GNL1: variants seen among roughly 807,000 people sequenced by gnomAD.
GNL1 encodes the protein guanine nucleotide-binding protein-like 1.
Under a neutral mutation model 75.2 loss-of-function variants are expected in GNL1, and 21 were observed. That is an observed-to-expected ratio of 0.28 (90% CI 0.20 to 0.40). The LOEUF (loss-of-function observed/expected upper bound fraction) is 0.40, where lower values mean the gene tolerates loss of function less well. Among genes scored for constraint, GNL1 ranks in the 10% least tolerant of loss-of-function variants. The pLI is 1.00. For synonymous variants in GNL1, 287 were observed against 303.4 expected, an observed-to-expected ratio of 0.95 and a Z score of 0.56; for missense variants, 579 against 775.0, an observed-to-expected ratio of 0.75 and a Z score of 3.00.
At position 30,543,489 on chromosome 6, in the gene GNL1, GATA is replaced by G. The variant is rs761678922; in HGVS notation, c.*2580_*2582del. ...GTTCTATGAGTGAATGAATCCTTGG[GATA>G]ATTATAGTACTAACCATCTTATTTA... On this transcript the variant is annotated 3_prime_UTR_variant, in exon 12 of 12. Transcript: ENST00000376621. The G allele has an allele frequency of 1.3e-5, 2 of 152,108 alleles. No individual in the cohort carries two copies. 9.4% of individuals were successfully genotyped at this position (152,108 alleles called of 1,614,324 possible).
In GNL1 at chr6:30,543,110, C is replaced by T. The variant is rs2127360596; in HGVS notation, c.*2962G>A. 6.6e-6 allele frequency: 1 copy of T among 152,470 alleles called. No homozygotes were observed. Among genetic ancestry groups the T allele is most frequent in the Middle Eastern group, 3.4e-3 (1 of 294 alleles). 9.4% of individuals were successfully genotyped at this position (152,470 alleles called of 1,614,324 possible). A position where few individuals can be genotyped will look rare whatever the true frequency, so the allele number is the denominator to read the frequency against. The stretch of plus-strand genomic sequence containing the variant: ...GACATCTGTTCCTCTAGGACGCTTC[C>T]CCTGATTCACCAAGACCAGCTTAAC... On this transcript the variant is annotated 3_prime_UTR_variant, in exon 12 of 12. Transcript: ENST00000376621.
chr6:30,546,738 G>GGCA lies in GNL1; in HGVS notation c.1539_1540insTGC (p.Arg513_Leu514insCys), dbSNP rs571491567. On this transcript the variant is annotated inframe_insertion, in exon 11 of 12. Transcript: ENST00000376621. This position sits in a 1 kb window ranked among gnomAD's most constrained non-coding sequence, Gnocchi z 5.1. ...CCTGGGGGATGAAAACACAGGCTGAGGCGGCCGTCCACTGCCAGCCGCAAG... is the reference window on the plus strand; with the variant it reads ...CCTGGGGGATGAAAACACAGGCTGAGGCAGCGGCCGTCCACTGCCAGCCGCAAG... 7 of 1,610,254 alleles carry GGCA rather than the reference G, an allele frequency of 4.3e-6. No individual in the cohort carries two copies. The South Asian group carries it at 7.7e-5, about 18-fold the overall frequency.
In GNL1 at chr6:30,547,862, T is replaced by C; in HGVS notation, c.1100-332A>G. On this transcript the variant is annotated intron_variant, in intron 8 of 11. Transcript: ENST00000376621. The surrounding 1 kb of genome is among the most constrained non-coding windows in gnomAD (Gnocchi z 5.5). Reference sequence around the variant, plus strand: ...TACAGTAAGTACCCAGTACCAGTGATCCACATCTCATAATTACTATGACTT... The same window carrying C: ...TACAGTAAGTACCCAGTACCAGTGACCCACATCTCATAATTACTATGACTT... The C allele has an allele frequency of 5.7e-6, 2 of 351,848 alleles. No homozygotes were observed. The highest frequency in any genetic ancestry group is 8.4e-5 in the South Asian group (2 of 23,756). The allele number at this position is 351,848 out of a possible 1,614,324, so 21.8% of individuals were successfully genotyped here.
In GNL1 at chr6:30,547,825, C is replaced by T. The variant is rs1014642987; in HGVS notation, c.1100-295G>A. On this transcript the variant is annotated intron_variant, in intron 8 of 11. Coordinates refer to ENST00000376621, the MANE Select transcript of GNL1 (RefSeq NM_005275.5). This position sits in a 1 kb window ranked among gnomAD's most constrained non-coding sequence, Gnocchi z 5.5. ...GATAACCAATACAACTTGTGTGGGTCAGTGCCTGCAGTACAGTAAGTACCC... is the reference window on the plus strand; with the variant it reads ...GATAACCAATACAACTTGTGTGGGTTAGTGCCTGCAGTACAGTAAGTACCC... The T allele has an allele frequency of 1.5e-4, 71 of 471,798 alleles. No individual in the cohort carries two copies. The highest frequency in any genetic ancestry group is 1.3e-3 in the African/African-American group (63 of 49,066). The allele number at this position is 471,798 out of a possible 1,614,324, so 29.2% of individuals were successfully genotyped here. A position where few individuals can be genotyped will look rare whatever the true frequency, so the allele number is the denominator to read the frequency against.
At chr6:30,551,614 G>C (rs1275042803) in intron 8 of GNL1, among the ~76,000 whole-genome samples, 3 of 151,968 alleles carry the variant, frequency 2.0e-5, no homozygotes, top group Non-Finnish European at 4.4e-5. Flanking sequence ...GATTCTCCTT[G>C]GCAACAAACT....
rs1233173340 is a variant in GNL1 at position 30,546,071 on chromosome 6, C to T, written c.*1G>A. 1 of 1,591,000 alleles carries T rather than the reference C, an allele frequency of 6.3e-7. No individual in the cohort carries two copies. The highest frequency in any genetic ancestry group is 1.3e-5 in the African/African-American group (1 of 74,496). On this transcript the variant is annotated 3_prime_UTR_variant, in exon 12 of 12. Coordinates refer to ENST00000376621, the MANE Select transcript of GNL1 (RefSeq NM_005275.5). This position sits in a 1 kb window ranked among gnomAD's most constrained non-coding sequence, Gnocchi z 5.1. ...AGGGAAGATGGCGCTGGGCGAGGAACTCAGCACTCATCCTCACCCAGCAGG... is the reference window on the plus strand; with the variant it reads ...AGGGAAGATGGCGCTGGGCGAGGAATTCAGCACTCATCCTCACCCAGCAGG...
In GNL1 at chr6:30,548,972, GACA is replaced by G. The variant is rs1285767435; in HGVS notation, c.1100-1445_1100-1443del. Among the ~76,000 whole-genome samples the G allele has an allele frequency of 2.0e-5, 3 of 149,948 alleles. No individual in the cohort carries two copies. Among genetic ancestry groups the G allele is most frequent in the Non-Finnish European group, 4.4e-5 (3 of 67,654 alleles). Reference sequence around the variant, plus strand: ...ATGAACCCCATACCACCCAATGTGTGACAACATGTTCCATCTGTCCTTGTTTTT... The same window carrying G: ...ATGAACCCCATACCACCCAATGTGTGACATGTTCCATCTGTCCTTGTTTTT... On this transcript the variant is annotated intron_variant, in intron 8 of 11. Coordinates refer to ENST00000376621, the MANE Select transcript of GNL1 (RefSeq NM_005275.5). The surrounding 1 kb of genome is among the most constrained non-coding windows in gnomAD (Gnocchi z 4.2).
chr6:30,555,951 C>T lies in GNL1; in HGVS notation c.73+180G>A, dbSNP rs1334771892. ...GAGGGATTCCCCTCCCCCAACTCTC[C>T]ATCCTTCCCCACCCCTTCCAGATGT... On this transcript the variant is annotated intron_variant, in intron 1 of 11. Transcript: ENST00000376621. This position sits in a 1 kb window ranked among gnomAD's most constrained non-coding sequence, Gnocchi z 4.3. 16 of 857,892 alleles carry T rather than the reference C, an allele frequency of 1.9e-5. No homozygotes were observed. In the Admixed American group the frequency reaches 3.5e-4, roughly 19 times the overall value. The allele number at this position is 857,892 out of a possible 1,614,324, so 53.1% of individuals were successfully genotyped here.
rs1799590300 is a variant in GNL1 at position 30,548,786 on chromosome 6, T to C, written c.1100-1256A>G. 6.6e-6 allele frequency among the ~76,000 whole-genome samples: 1 copy of C among 152,014 alleles called. No individual in the cohort carries two copies. Among genetic ancestry groups the C allele is most frequent in the Non-Finnish European group, 1.5e-5 (1 of 68,014 alleles). On this transcript the variant is annotated intron_variant, in intron 8 of 11. Transcript: ENST00000376621. The surrounding 1 kb of genome is among the most constrained non-coding windows in gnomAD (Gnocchi z 4.2). Reference sequence around the variant, plus strand: ...GGGAGGGAAGGAGGGAGAAAAAAGTTCTCCTTTGACGACCACCACCAGACC... The same window carrying C: ...GGGAGGGAAGGAGGGAGAAAAAAGTCCTCCTTTGACGACCACCACCAGACC...
At position 30,553,541 on chromosome 6, in the gene GNL1, G is replaced by A. The variant is rs773860519; in HGVS notation, c.617C>T (p.Pro206Leu). ...DIRHPVVNFPPALYEYVTGEL... is the reference protein window; with the variant it reads ...DIRHPVVNFPLALYEYVTGEL... ...TCCAGTCACATACTCATAAAGTGCTGGCGGGAAATTCACAACCTAGGACAG... is the reference window on the plus strand; with the variant it reads ...TCCAGTCACATACTCATAAAGTGCTAGCGGGAAATTCACAACCTAGGACAG... Residue 206 changes from proline (P) to leucine (L), a missense_variant, in exon 6 of 12, where the codon CCA becomes CTA. Physicochemically the swap from Pro to Leu is moderately conservative, Grantham distance 98. Transcript: ENST00000376621. 1 of 1,612,362 alleles carries A rather than the reference G, an allele frequency of 6.2e-7. No homozygotes were observed. Among genetic ancestry groups the A allele is most frequent in the South Asian group, 1.1e-5 (1 of 91,066 alleles).
At position 30,555,509 on chromosome 6, in the gene GNL1, C is replaced by T; in HGVS notation, c.239+46G>A. 2 of 1,569,668 alleles carry T rather than the reference C, an allele frequency of 1.3e-6. No homozygotes were observed. The highest frequency in any genetic ancestry group is 1.7e-6 in the Non-Finnish European group (2 of 1,149,296). ...CCGCTTTCCCCCAAAGCTCTGACTT[C>T]CGGGTAGGCGGGAAAGCCGGGACCA... On this transcript the variant is annotated intron_variant, in intron 2 of 11. Coordinates refer to ENST00000376621, the MANE Select transcript of GNL1 (RefSeq NM_005275.5). This position sits in a 1 kb window ranked among gnomAD's most constrained non-coding sequence, Gnocchi z 4.3.
At position 30,555,237 on chromosome 6, in the gene GNL1, A is replaced by C. The variant is rs769511718; in HGVS notation, c.240-46T>G. ...ACATCCAGAGCAATCCTGTGGCCACAAACTCCTATTTTCTCCCCTCTTGTA... is the reference window on the plus strand; with the variant it reads ...ACATCCAGAGCAATCCTGTGGCCACCAACTCCTATTTTCTCCCCTCTTGTA... On this transcript the variant is annotated intron_variant, in intron 2 of 11. Coordinates refer to ENST00000376621, the MANE Select transcript of GNL1 (RefSeq NM_005275.5). The surrounding 1 kb of genome is among the most constrained non-coding windows in gnomAD (Gnocchi z 4.3). The C allele has an allele frequency of 5.7e-5, 92 of 1,611,196 alleles. 1 individual carries two copies. The African/African-American group carries it at 1.2e-3, about 20-fold the overall frequency.
chr6:30,554,725 T>C lies in GNL1; in HGVS notation c.528+39A>G, dbSNP rs544673647. 37 of 1,608,920 alleles carry C rather than the reference T, an allele frequency of 2.3e-5. No individual in the cohort carries two copies. The African/African-American group carries it at 4.5e-4, about 20-fold the overall frequency. ...GATCCCAAACCAATTTGACCATAGGTCACTATGCCCCACTCCTGTCCCTAG... is the reference window on the plus strand; with the variant it reads ...GATCCCAAACCAATTTGACCATAGGCCACTATGCCCCACTCCTGTCCCTAG... On this transcript the variant is annotated intron_variant, in intron 4 of 11. Transcript: ENST00000376621.
rs187829138 is a variant in GNL1, at chr6:30,548,450, G to A, written c.1100-920C>T. ...CTCATCTTTCCAGCTCACTTACTCT[G>A]GTTACTCCATGCCAGTAAGTCTTTG... On this transcript the variant is annotated intron_variant, in intron 8 of 11. Transcript: ENST00000376621. This position sits in a 1 kb window ranked among gnomAD's most constrained non-coding sequence, Gnocchi z 4.2. Among the ~76,000 whole-genome samples, 161 of 152,112 alleles carry A rather than the reference G, an allele frequency of 1.1e-3. 1 individual carries two copies. Among genetic ancestry groups the A allele is most frequent in the Admixed American group, 4.6e-3 (70 of 15,280 alleles).
Position 30,546,129 on chromosome 6 carries a change from T to G in GNL1, c.1767A>C (p.Pro589=). 1 of 1,574,904 alleles carries G rather than the reference T, an allele frequency of 6.3e-7. No individual in the cohort carries two copies. Among genetic ancestry groups the G allele is most frequent in the Non-Finnish European group, 8.6e-7 (1 of 1,160,110 alleles). ...GGTTTCGGCCAGCCAGGCTGGACCC[T>G]GGAGCCGAGGTTGGGGTCTCCTCAT... ...EGDEETPTSA[P]GSSLAGRNPY... is the part of the protein sequence containing the mutation. The change falls in exon 12 of 12, where the codon CCA becomes CCC. Residue 589 remains proline (P), a synonymous_variant. Coordinates refer to ENST00000376621, the MANE Select transcript of GNL1 (RefSeq NM_005275.5). This position sits in a 1 kb window ranked among gnomAD's most constrained non-coding sequence, Gnocchi z 5.1.
rs1483217544 is a variant in GNL1, at chr6:30,555,816, CT to C, written c.74-97del. On this transcript the variant is annotated intron_variant, in intron 1 of 11. Coordinates refer to ENST00000376621, the MANE Select transcript of GNL1 (RefSeq NM_005275.5). This position sits in a 1 kb window ranked among gnomAD's most constrained non-coding sequence, Gnocchi z 4.3. The stretch of plus-strand genomic sequence containing the variant: ...CCTGACTCCCTTTCATCCCACTCAA[CT>C]TCTTCCGATGTTCAGTCCTCCCAGA... 7.7e-7 allele frequency: 1 copy of C among 1,302,836 alleles called. No homozygotes were observed. The highest frequency in any genetic ancestry group is 2.0e-5 in the Admixed American group (1 of 48,856). The allele number at this position is 1,302,836 out of a possible 1,614,324, so 80.7% of individuals were successfully genotyped here. A position where few individuals can be genotyped will look rare whatever the true frequency, so the allele number is the denominator to read the frequency against.
chr6:30,550,670 AC>A (rs1161040713), intron 8 of GNL1, among the ~76,000 whole-genome samples: 18 of 152,076 alleles, frequency 1.2e-4, no homozygotes, highest in Admixed American at 1.2e-3. Flanking sequence ...TTCAAAACCT[AC>A]CCTTGGCTTC....
rs1008954922 is a variant in GNL1, at chr6:30,552,017, C to T, written c.1099+450G>A. Among the ~76,000 whole-genome samples the T allele has an allele frequency of 6.6e-5, 10 of 152,098 alleles. No individual in the cohort carries two copies. The highest frequency in any genetic ancestry group is 2.2e-4 in the African/African-American group (9 of 41,400). ...AGCAGAGACTACAGGCACATACCAC[C>T]ACACTTGGCTAGTTTTCTTTATCTT... On this transcript the variant is annotated intron_variant, in intron 8 of 11. Transcript: ENST00000376621. The surrounding 1 kb of genome is among the most constrained non-coding windows in gnomAD (Gnocchi z 4.5).
Position 30,555,095 on chromosome 6 carries a change from C to T in GNL1, c.336G>A (p.Leu112=), listed in dbSNP as rs151224363. ...ACACCTCCCGGATGTCCAGCTCCAA[C>T]AACTCAGCACTGACCGGCTGTAGAA... The part of the protein sequence containing the change: ...EQVLQPVSAE[L]LELDIREVYQ... Residue 112 remains leucine (L), a synonymous_variant, in exon 3 of 12, where the codon TTG becomes TTA. Transcript: ENST00000376621. The surrounding 1 kb of genome is among the most constrained non-coding windows in gnomAD (Gnocchi z 4.3). The T allele has an allele frequency of 2.5e-6, 4 of 1,612,898 alleles. No individual in the cohort carries two copies. In the African/African-American group the frequency reaches 5.3e-5, roughly 22 times the overall value.
Sources: gnomAD v4.1 joint callset for allele counts (sites outside exome capture counted in the v4.1 genomes callset) on GRCh38, gnomAD v4.1.1 for gene constraint, Gnocchi (gnomAD v3.1) non-coding constraint, MANE v1.5 for transcripts, NCBI Gene and HGNC (gene_info 2026-07-23, HGNC 2026-07-21) for gene names.